Variants in KCP observed in about 807,000 individuals in gnomAD.
The protein encoded by KCP is kielin/chordin-like protein.
Under a neutral mutation model 212.7 loss-of-function variants are expected in KCP, and 194 were observed. The ratio of observed to expected loss-of-function variants is 0.91; its 90% confidence interval spans 0.81 to 1.03. The LOEUF is 1.03. KCP is among the 50% of genes least tolerant of loss of function. The pLI is 0.00. For synonymous variants in KCP, 833 were observed against 865.3 expected, an observed-to-expected ratio of 0.96 and a Z score of 0.65; for missense variants, 2,080 against 2,162.5, an observed-to-expected ratio of 0.96 and a Z score of 0.76.
chr7:128,891,448 C>CA lies in KCP; in HGVS notation c.1878+2dup. 1 of 1,550,450 alleles carries CA rather than the reference C, an allele frequency of 6.4e-7. No homozygotes were observed. The highest frequency in any genetic ancestry group is 1.2e-5 in the South Asian group (1 of 84,048). On this transcript the variant is annotated splice_region_variant and intron_variant, in intron 18 of 39. Transcript: ENST00000610776. ...GGCGCCTCCCACCCAGGTGCAGACT[C>CA]ACCAGACAGCGACACAGACGGCAGG...
intron 8 of KCP, among the ~76,000 whole-genome samples, chr7:128,894,919 A>C (rs1178972712): frequency 2.0e-5 from 3 of 152,096 alleles, no homozygotes; most frequent in Non-Finnish European, 4.4e-5. Context: ...TATCCTTCTA[A>C]AAAGGGGAAA....
Position 128,892,758 on chromosome 7 carries a change from TGG to T in KCP, c.1455_1456del (p.Tyr485Ter). Reference sequence around the variant, plus strand: ...CTGCCCATTGGCATACACTTGGCTGTGGTAGGTGCAGCTGTCACAGCTGGGGC... The same window carrying T: ...CTGCCCATTGGCATACACTTGGCTGTTAGGTGCAGCTGTCACAGCTGGGGC... On this transcript the variant is annotated stop_gained and frameshift_variant, in exon 15 of 40. Coordinates refer to ENST00000610776, the MANE Select transcript of KCP (RefSeq NM_001366122.1). LOFTEE classifies it high-confidence loss of function. 6.4e-7 allele frequency: 1 copy of T among 1,551,672 alleles called. No individual in the cohort carries two copies. The highest frequency in any genetic ancestry group is 8.7e-7 in the Non-Finnish European group (1 of 1,146,956).
At chr7:128,908,025 A>G (rs1018862896) in intron 2 of KCP, among the ~76,000 whole-genome samples, 3 of 151,582 alleles carry the variant, frequency 2.0e-5, no homozygotes, top group African/African-American at 7.3e-5. Context: ...ACTACTCAGG[A>G]GGCTGAAGCG....
intron 22 of KCP, 140 bp downstream of exon 22, chr7:128,888,723 C>T (rs1470422534): frequency 1.2e-6 from 1 of 812,830 alleles, no homozygotes; most frequent in Non-Finnish European, 1.9e-6. Flanking sequence ...GGACCTCTAT[C>T]AAAGGTGAGG....
In KCP at chr7:128,879,576, C is replaced by G; in HGVS notation, c.4092G>C (p.Leu1364=). The change falls in exon 37 of 40, where the codon CTG becomes CTC. Residue 1364 remains leucine (L), a synonymous_variant. Coordinates refer to ENST00000610776, the MANE Select transcript of KCP (RefSeq NM_001366122.1). ...VALPFLQEPL[L]YVELRGHTVI... ...CAGTGTGTCCTCGCAGCTCCACATA[C>G]AGCAGCGGCTCCTGCAGGAAGGGCA... is the stretch of plus-strand genomic sequence containing the variant. The G allele has an allele frequency of 1.3e-6, 2 of 1,550,578 alleles. No individual in the cohort carries two copies. Among genetic ancestry groups the G allele is most frequent in the African/African-American group, 1.4e-5 (1 of 73,152 alleles).
At position 128,880,516 on chromosome 7, in the gene KCP, G is replaced by A; in HGVS notation, c.3629C>T (p.Ser1210Phe). ...CCERCQAPTQ[S>F]CVHQGREVAS... ...CACCTCACGGCCCTGGTGCACGCAGGACTGGGTGGGAGCTGAAGGGATAGG... is the reference window on the plus strand; with the variant it reads ...CACCTCACGGCCCTGGTGCACGCAGAACTGGGTGGGAGCTGAAGGGATAGG... The change falls in exon 34 of 40, where the codon TCC (serine) becomes TTC (phenylalanine). Residue 1210 changes from serine to phenylalanine, a missense_variant. Ser to Phe is a radical substitution (Grantham distance 155). Transcript: ENST00000610776. 6.7e-7 allele frequency: 1 copy of A among 1,501,518 alleles called. No individual in the cohort carries two copies. The highest frequency in any genetic ancestry group is 2.1e-5 in the Admixed American group (1 of 46,742). 93.0% of individuals were successfully genotyped at this position (1,501,518 alleles called of 1,614,324 possible).
intron 7 of KCP, chr7:128,903,296 C>T (rs1039441474): frequency 1.4e-5 from 4 of 277,458 alleles, no homozygotes; most frequent in Non-Finnish European, 2.0e-5. Context: ...GCCTCCAGGA[C>T]GCTTTCCCTC....
At position 128,902,834 on chromosome 7, in the gene KCP, C is replaced by T. The variant is rs1348132178; in HGVS notation, c.774G>A (p.Trp258Ter). The T allele has an allele frequency of 1.3e-6, 2 of 1,551,438 alleles. No individual in the cohort carries two copies. ...CQGCTEGGSHWEHGQEWTTPG... is the reference protein window; with the variant it reads ...CQGCTEGGSH ...GTGTTGTCCACTCTTGGCCATGTTC[C>T]CAGTGAGAGCCACCTTCTGTGCAGC... The change falls in exon 8 of 40, where the codon TGG becomes TGA. Residue 258 changes from tryptophan to a stop codon, truncating the protein, a stop_gained. Coordinates refer to ENST00000610776, the MANE Select transcript of KCP (RefSeq NM_001366122.1). LOFTEE classifies it high-confidence loss of function.
chr7:128,885,477 G>C (rs2128945479), intron 26 of KCP, among the ~76,000 whole-genome samples: 1 of 152,292 alleles, frequency 6.6e-6, no homozygotes, highest in Non-Finnish European at 1.5e-5. Context: ...TTCTAATCCT[G>C]TTCTGTTCCT....
intron 1 of KCP, among the ~76,000 whole-genome samples, chr7:128,908,789 G>A (rs1795286823): frequency 6.6e-6 from 1 of 152,218 alleles, no homozygotes; most frequent in South Asian, 2.1e-4. Flanking sequence ...AGGGGTCTGG[G>A]GTCTGGCTGA....
intron 9 of KCP, 28 bp from the exon 10 acceptor site, chr7:128,894,083 C>T: frequency 6.5e-7 from 1 of 1,540,244 alleles, no homozygotes; most frequent in Non-Finnish European, 8.8e-7. Flanking sequence ...CTTAGATGTT[C>T]CTCAGGGGCC....
At chr7:128,891,557 C>T (rs1585222556) in intron 17 of KCP, 24 bp from the exon 18 acceptor site, 1 of 1,544,682 alleles carries the variant, frequency 6.5e-7, no homozygotes, top group East Asian at 2.4e-5. Context: ...GGGCTATAGC[C>T]TGGGAGAGGG....
chr7:128,906,382 G>A lies in KCP; in HGVS notation c.487-19C>T, dbSNP rs1241286960. ...TACCTTCCTGTGGGAGCAGACTGAG[G>A]TGGCTGCACAGACATCAGATTCCTG... On this transcript the variant is annotated intron_variant, in intron 4 of 39. Transcript: ENST00000610776. 14 of 1,515,222 alleles carry A rather than the reference G, an allele frequency of 9.2e-6. No individual in the cohort carries two copies. In the African/African-American group the frequency reaches 9.7e-5, roughly 10 times the overall value. 93.9% of individuals were successfully genotyped at this position (1,515,222 alleles called of 1,614,324 possible). A position where few individuals can be genotyped will look rare whatever the true frequency, so the allele number is the denominator to read the frequency against.
intron 1 of KCP, 143 bp from the exon 2 acceptor site, chr7:128,908,711 G>A: frequency 1.1e-6 from 1 of 900,876 alleles, no homozygotes; most frequent in South Asian, 1.8e-5. Flanking sequence ...ACCATCCAGG[G>A]CCGGGAAGCC....
At chr7:128,884,145 G>C in intron 28 of KCP, 23 bp from the exon 29 acceptor site, 1 of 1,537,056 alleles carries the variant, frequency 6.5e-7, no homozygotes, top group Non-Finnish European at 8.7e-7. Flanking sequence ...GTGAGCAGCG[G>C]TGGGTCCTGG....
intron 7 of KCP, 138 bp from the exon 8 acceptor site, chr7:128,902,997 C>T (rs1794941476): frequency 1.5e-6 from 1 of 668,980 alleles, no homozygotes; most frequent in Middle Eastern, 3.3e-4. Flanking sequence ...CAGATCTCTG[C>T]CTAGATTCCC....
At chr7:128,908,664 T>A in intron 1 of KCP, 96 bp from the exon 2 acceptor site, 1 of 1,342,566 alleles carries the variant, frequency 7.4e-7, no homozygotes, top group South Asian at 1.4e-5. Context: ...GGGAAGGGGG[T>A]CATCCTGTGC....
At chr7:128,890,623 G>A in intron 20 of KCP, 110 bp from the exon 21 acceptor site, 1 of 857,350 alleles carries the variant, frequency 1.2e-6, no homozygotes, top group Non-Finnish European at 1.7e-6. Context: ...GGCCGTGGGG[G>A]CTGGAGGTCG....
chr7:128,880,320 A>G, intron 34 of KCP, 66 bp downstream of exon 34: 1 of 1,463,430 alleles, frequency 6.8e-7, no homozygotes, highest in Non-Finnish European at 9.1e-7. Flanking sequence ...GCCTGGTCAC[A>G]CCAGGATGGC....
Sources: allele counts gnomAD v4.1 joint callset (sites outside exome capture counted in the v4.1 genomes callset), GRCh38; gene constraint gnomAD v4.1.1; transcripts MANE v1.5; gene names NCBI Gene and HGNC (gene_info 2026-07-23, HGNC 2026-07-21).